RTN4: variants seen among roughly 807,000 people sequenced by gnomAD.
RTN4 encodes reticulon 4, also known as reticulon-4.
RTN4 carries 32 observed loss-of-function variants against 90.4 expected under a neutral mutation model. That is an observed-to-expected ratio of 0.35 (90% confidence interval 0.27 to 0.48). The LOEUF is 0.48. Among genes scored for constraint, RTN4 ranks in the 20% least tolerant of loss-of-function variants. The pLI is 0.99. For missense variants in RTN4, 1,706 were observed against 1,430.2 expected (o/e 1.19, Z -3.11); for synonymous variants, 629 against 552.5 (o/e 1.14, Z -1.94).
chr2:55,103,979 G>T (rs1231529873), intron 1 of RTN4, among the ~76,000 whole-genome samples: 1 of 151,910 alleles, frequency 6.6e-6, no homozygotes, highest in Non-Finnish European at 1.5e-5. Flanking sequence ...ACAGGAATGA[G>T]CCACCGCACC....
At chr2:55,132,153 C>A in the RTN4 span, among the ~76,000 whole-genome samples, 1 of 152,146 alleles carries the variant, frequency 6.6e-6, no homozygotes, top group Non-Finnish European at 1.5e-5. Context: ...ATTGCTGAAG[C>A]TGGGTGATGG....
At chr2:55,098,121 T>G (rs148558013) in intron 1 of RTN4, among the ~76,000 whole-genome samples, 3 of 152,208 alleles carry the variant, frequency 2.0e-5, no homozygotes, top group Non-Finnish European at 4.4e-5. Flanking sequence ...ACATCTCCAG[T>G]CATTTTAGAT....
chr2:55,006,989 T>C (rs1194315921), intron 3 of RTN4, among the ~76,000 whole-genome samples: 1 of 152,156 alleles, frequency 6.6e-6, no homozygotes, highest in Non-Finnish European at 1.5e-5. Flanking sequence ...TTCTTTATCA[T>C]TAAACCTGTC....
intron 7 of RTN4, 45 bp downstream of exon 7, chr2:54,973,776 G>C (rs1338807479): frequency 8.9e-6 from 14 of 1,574,820 alleles, no homozygotes; most frequent in Non-Finnish European, 1.2e-5. Flanking sequence ...CCATGTAATA[G>C]AGTGAGTGCT....
At chr2:55,034,711 A>G (rs1386047914) in intron 1 of RTN4, among the ~76,000 whole-genome samples, 1 of 152,164 alleles carries the variant, frequency 6.6e-6, no homozygotes, top group African/African-American at 2.4e-5. Context: ...TGGTAAATAT[A>G]TATGTAGATG....
chr2:54,978,837 T>A (rs569199668), intron 5 of RTN4, among the ~76,000 whole-genome samples: 1 of 152,162 alleles, frequency 6.6e-6, no homozygotes, highest in African/African-American at 2.4e-5. Flanking sequence ...CCCATAAATT[T>A]AAAATCTGAC....
At chr2:55,115,630 C>T (rs1467828959), upstream of RTN4, among the ~76,000 whole-genome samples, 1 of 152,200 alleles carries the variant, frequency 6.6e-6, no homozygotes, top group Admixed American at 6.5e-5. Flanking sequence ...ATGCTACTGC[C>T]CAAGAAAGCA....
chr2:55,034,579 G>C (rs1682549533), intron 1 of RTN4, among the ~76,000 whole-genome samples: 1 of 152,138 alleles, frequency 6.6e-6, no homozygotes, highest in African/African-American at 2.4e-5. Flanking sequence ...AACAGAAGCT[G>C]AAAGAATTTG....
At chr2:54,982,788 A>C (rs1382116517) in intron 4 of RTN4, 135 bp from the exon 5 acceptor site, 1 of 919,806 alleles carries the variant, frequency 1.1e-6, no homozygotes, top group Non-Finnish European at 1.6e-6. Flanking sequence ...ATTAGGGGCA[A>C]TATAAAAACT....
intron 2 of RTN4, among the ~76,000 whole-genome samples, chr2:55,057,850 G>A (rs137904423): frequency 9.7e-4 from 148 of 152,256 alleles, no homozygotes; most frequent in African/African-American, 3.3e-3. Context: ...GGGTGTGATT[G>A]TGCATGCATG....
At chr2:55,096,899 G>T (rs1667742916) in intron 1 of RTN4, among the ~76,000 whole-genome samples, 1 of 151,928 alleles carries the variant, frequency 6.6e-6, no homozygotes, top group Non-Finnish European at 1.5e-5. Flanking sequence ...GGTGTAGTTG[G>T]AGTGACAGTC....
intron 2 of RTN4, among the ~76,000 whole-genome samples, chr2:55,061,856 A>C (rs1668299575): frequency 6.6e-6 from 1 of 152,062 alleles, no homozygotes; most frequent in Non-Finnish European, 1.5e-5. Context: ...TTGGCGCCCA[A>C]ATGTTGCATT....
intron 1 of RTN4, chr2:55,049,076 T>C (rs1667943317): frequency 2.0e-6 from 2 of 985,116 alleles, no homozygotes; most frequent in South Asian, 9.4e-5. Flanking sequence ...GGCAGGACTT[T>C]ACCAGAACTC....
At chr2:55,129,783 G>C in the RTN4 span, among the ~76,000 whole-genome samples, 1 of 152,050 alleles carries the variant, frequency 6.6e-6, no homozygotes, top group African/African-American at 2.4e-5. Context: ...GGATGGTCTT[G>C]AGCTCCTGAC....
intron 1 of RTN4, among the ~76,000 whole-genome samples, chr2:55,034,882 T>G (rs558407269): frequency 6.6e-6 from 1 of 152,204 alleles, no homozygotes; most frequent in African/African-American, 2.4e-5. Context: ...TATGAAAGTA[T>G]GTTTTATTAC....
At chr2:55,076,549 A>C (rs7599430) in intron 2 of RTN4, among the ~76,000 whole-genome samples, 1 of 151,886 alleles carries the variant, frequency 6.6e-6, no homozygotes, top group Non-Finnish European at 1.5e-5. Context: ...ATAGGCATGC[A>C]TAACCACGCT....
intron 8 of RTN4, 177 bp downstream of exon 8, chr2:54,973,383 CATA>C (rs1290492120): frequency 5.3e-6 from 4 of 754,636 alleles, no homozygotes; most frequent in Non-Finnish European, 8.7e-6. Context: ...GCCTTAAACA[CATA>C]ATAAACCCAG....
intron 1 of RTN4, among the ~76,000 whole-genome samples, chr2:55,108,681 T>C (rs1483607260): frequency 6.6e-6 from 1 of 152,140 alleles, no homozygotes; most frequent in Non-Finnish European, 1.5e-5. Flanking sequence ...CCTCTCTTAT[T>C]ACTTTGATTC....
intron 3 of RTN4, among the ~76,000 whole-genome samples, chr2:55,018,660 T>C (rs1189811068): frequency 6.6e-6 from 1 of 151,902 alleles, no homozygotes; most frequent in African/African-American, 2.4e-5. Flanking sequence ...AAGAGACAAA[T>C]ATGAAATCAG....
Sources: allele counts gnomAD v4.1 joint callset (sites outside exome capture counted in the v4.1 genomes callset), GRCh38; gene constraint gnomAD v4.1.1; transcripts MANE v1.5; gene names NCBI Gene and HGNC (gene_info 2026-07-23, HGNC 2026-07-21).